CCDC197: variants seen among roughly 807,000 people sequenced by gnomAD.
CCDC197 encodes the protein coiled-coil domain containing 197.
Under a neutral mutation model 13.4 loss-of-function variants are expected in CCDC197, and 24 were observed. The observed-to-expected ratio is 1.80, with a 90% confidence interval of 1.30 to 2.53. The LOEUF (loss-of-function observed/expected upper bound fraction) is 2.53, where lower values mean the gene tolerates loss of function less well. Ranked by LOEUF, CCDC197 falls within the 30% of genes most tolerant of loss-of-function variation. The pLI is 0.00. For synonymous variants in CCDC197, 99 were observed against 55.5 expected, an observed-to-expected ratio of 1.78 and a Z score of -3.48; for missense variants, 255 against 148.8, an observed-to-expected ratio of 1.71 and a Z score of -3.71.
At chr14:93,995,934 G>A (rs1467534669), upstream of CCDC197, among the ~76,000 whole-genome samples, 15 of 152,114 alleles carry the variant, frequency 9.9e-5, no homozygotes, top group African/African-American at 2.7e-4. Context: ...CACCCTGATC[G>A]CCCCCTTCTG....
Position 94,003,436 on chromosome 14 carries a change from C to T in CCDC197, c.498+82C>T, listed in dbSNP as rs1890591799. The T allele has an allele frequency of 1.5e-6, 1 of 661,932 alleles. No individual in the cohort carries two copies. Among genetic ancestry groups the T allele is most frequent in the South Asian group, 1.6e-5 (1 of 62,144 alleles). The allele number at this position is 661,932 out of a possible 1,614,324, so 41.0% of individuals were successfully genotyped here. On this transcript the variant is annotated intron_variant, in intron 5 of 6. Coordinates refer to ENST00000636493, the MANE Select transcript of CCDC197 (RefSeq NM_001351596.2). The surrounding 1 kb of genome is among the most constrained non-coding windows in gnomAD (Gnocchi z 5.0). The stretch of plus-strand genomic sequence containing the variant: ...TGTCTCCATCATCAATCCCAAAACA[C>T]ACAGACACATACGCACGCAGACACA...
At chr14:94,001,116 C>T in intron 3 of CCDC197, 29 bp from the exon 4 acceptor site, 1 of 741,546 alleles carries the variant, frequency 1.3e-6, no homozygotes, top group Non-Finnish European at 2.5e-6. Context: ...GGGGCACCCA[C>T]CCATCCCGCC....
upstream of CCDC197, among the ~76,000 whole-genome samples, chr14:93,994,710 C>T (rs1034825991): frequency 2.0e-5 from 3 of 152,334 alleles, no homozygotes; most frequent in African/African-American, 7.2e-5. Context: ...GGTTTACAGC[C>T]TTGAACTTCT....
At chr14:94,004,772 C>T (rs1199104100) in intron 5 of CCDC197, 83 bp from the exon 6 acceptor site, 35 of 671,718 alleles carry the variant, frequency 5.2e-5, no homozygotes, top group Middle Eastern at 2.7e-4. Flanking sequence ...CACGACACTT[C>T]GCTGGCTGGA....
intron 3 of CCDC197, 112 bp downstream of exon 3, chr14:93,999,777 T>C (rs1890437054): frequency 2.9e-6 from 2 of 695,880 alleles, no homozygotes; most frequent in African/African-American, 1.8e-5. Flanking sequence ...ATCTACAGAA[T>C]GGGAATCCAC....
Position 94,004,976 on chromosome 14 carries a change from G to C in CCDC197, c.615+5G>C, listed in dbSNP as rs986056535. ...TCCAAGCTCGATCTGATTAAGGTAAGGATAGACAGATGGCTGCGGGGCTCC... is the reference window on the plus strand; with the variant it reads ...TCCAAGCTCGATCTGATTAAGGTAACGATAGACAGATGGCTGCGGGGCTCC... On this transcript the variant is annotated splice_donor_5th_base_variant and intron_variant, in intron 6 of 6. Coordinates refer to ENST00000636493, the MANE Select transcript of CCDC197 (RefSeq NM_001351596.2). 1.9e-5 allele frequency: 13 copies of C among 701,666 alleles called. No homozygotes were observed. In the African/African-American group the frequency reaches 2.1e-4, roughly 11 times the overall value. 43.5% of individuals were successfully genotyped at this position (701,666 alleles called of 1,614,324 possible). A position where few individuals can be genotyped will look rare whatever the true frequency, so the allele number is the denominator to read the frequency against.
At position 93,998,227 on chromosome 14, in the gene CCDC197, C is replaced by A; in HGVS notation, c.96C>A (p.Leu32=). Residue 32 remains leucine (L), a synonymous_variant, in exon 2 of 7, where the codon CTC becomes CTA. Coordinates refer to ENST00000636493, the MANE Select transcript of CCDC197 (RefSeq NM_001351596.2). The part of the protein sequence containing the change: ...LQGLWQELYQ[L]QAKQKKLKRE... ...GGCTGTGGCAGGAACTCTACCAGCT[C>A]CAGGCTAAGTATGTGTTGTCCCACC... 1.3e-6 allele frequency: 1 copy of A among 780,080 alleles called. No individual in the cohort carries two copies. The highest frequency in any genetic ancestry group is 2.4e-6 in the Non-Finnish European group (1 of 418,102). The allele number at this position is 780,080 out of a possible 1,614,324, so 48.3% of individuals were successfully genotyped here.
rs1322984263 is a variant in CCDC197 at position 94,003,666 on chromosome 14, TACAC to T, written c.498+318_498+321del. Among the ~76,000 whole-genome samples, 3 of 150,714 alleles carry T rather than the reference TACAC, an allele frequency of 2.0e-5. No individual in the cohort carries two copies. The highest frequency in any genetic ancestry group is 3.0e-5 in the Non-Finnish European group (2 of 67,606). ...ACACACGCACAGACACACAGACACA[TACAC>T]ACACAAAGACACATGCAGAGACATA... On this transcript the variant is annotated intron_variant, in intron 5 of 6. Transcript: ENST00000636493. The surrounding 1 kb of genome is among the most constrained non-coding windows in gnomAD (Gnocchi z 5.0).
chr14:94,010,365 G>C (rs1043913316), downstream of CCDC197, among the ~76,000 whole-genome samples: 1 of 152,142 alleles, frequency 6.6e-6, no homozygotes, highest in Non-Finnish European at 1.5e-5. Flanking sequence ...CACCATGCCT[G>C]GCTAATTTTT....
upstream of CCDC197, among the ~76,000 whole-genome samples, chr14:93,994,329 G>A (rs1410761680): frequency 6.6e-6 from 1 of 152,182 alleles, no homozygotes; most frequent in Non-Finnish European, 1.5e-5. Context: ...CTGTTACCTT[G>A]TATTAACTGT....
In CCDC197 at chr14:94,008,782, C is replaced by G. The variant is rs1208272174; in HGVS notation, c.789C>G (p.Pro263=). ...VSTPRTPFPS[P]HASECSGLY is the part of the protein sequence containing the mutation. Reference sequence around the variant, plus strand: ...CCCCCAGGACCCCCTTTCCCAGCCCCCATGCTTCAGAGTGCTCCGGCCTGT... The same window carrying G: ...CCCCCAGGACCCCCTTTCCCAGCCCGCATGCTTCAGAGTGCTCCGGCCTGT... Residue 263 remains proline, a synonymous_variant, in exon 7 of 7, where the codon CCC becomes CCG. Transcript: ENST00000636493. 1.9e-5 allele frequency: 13 copies of G among 702,498 alleles called. No individual in the cohort carries two copies. The highest frequency in any genetic ancestry group is 6.0e-5 in the Admixed American group (3 of 50,004). 43.5% of individuals were successfully genotyped at this position (702,498 alleles called of 1,614,324 possible). A position where few individuals can be genotyped will look rare whatever the true frequency, so the allele number is the denominator to read the frequency against.
chr14:94,010,307 G>A (rs528652519), downstream of CCDC197, among the ~76,000 whole-genome samples: 54 of 152,300 alleles, frequency 3.5e-4, no homozygotes, highest in African/African-American at 1.3e-3. Context: ...GGGTTTAAGC[G>A]ATTCTCCTGC....
downstream of CCDC197, among the ~76,000 whole-genome samples, chr14:94,009,088 C>T (rs1475114571): frequency 1.3e-5 from 2 of 152,198 alleles, no homozygotes; most frequent in Non-Finnish European, 2.9e-5. Flanking sequence ...TGAAGACTCC[C>T]TCCTGGGAGC....
At chr14:93,992,839 G>C (rs910649182), upstream of CCDC197, among the ~76,000 whole-genome samples, 3 of 152,164 alleles carry the variant, frequency 2.0e-5, no homozygotes, top group African/African-American at 7.2e-5. Context: ...TGAGGGTAGG[G>C]GCACAGGGAA....
At chr14:94,001,098 C>G (rs763608415) in intron 3 of CCDC197, 47 bp from the exon 4 acceptor site, 1 of 706,382 alleles carries the variant, frequency 1.4e-6, no homozygotes, top group Non-Finnish European at 2.6e-6. Context: ...TTGGCATGGC[C>G]CACTGCAGGG....
intron 1 of CCDC197, among the ~76,000 whole-genome samples, chr14:93,991,478 G>A (rs539700132): frequency 1.3e-4 from 20 of 152,302 alleles, no homozygotes; most frequent in Admixed American, 3.9e-4. Context: ...TGCGAGAATC[G>A]TGACTCAAAC....
Position 93,998,053 on chromosome 14 carries a change from C to T in CCDC197, c.-79C>T. The T allele has an allele frequency of 1.3e-6, 1 of 758,448 alleles. No homozygotes were observed. Among genetic ancestry groups the T allele is most frequent in the South Asian group, 1.4e-5 (1 of 71,762 alleles). The allele number at this position is 758,448 out of a possible 1,614,324, so 47.0% of individuals were successfully genotyped here. ...TCTGAAGAGGAAGCTGCGGCTGTGA[C>T]TGTCCCTTTTCGGTCTGTCTTCATC... On this transcript the variant is annotated 5_prime_UTR_variant, in exon 2 of 7. Coordinates refer to ENST00000636493, the MANE Select transcript of CCDC197 (RefSeq NM_001351596.2).
At chr14:94,000,862 C>T in intron 3 of CCDC197, 1 of 321,412 alleles carries the variant, frequency 3.1e-6, no homozygotes, top group South Asian at 9.3e-5. Flanking sequence ...TCCTTGAGGG[C>T]AGTCTCCCGC....
At position 94,002,391 on chromosome 14, in the gene CCDC197, C is replaced by A. The variant is rs868256288; in HGVS notation, c.367-832C>A. ...GCAGCCTCCGCCTCCCAGGCTCCAG[C>A]GATTTTCCTGCCTCTGCCTTCCGAG... On this transcript the variant is annotated intron_variant, in intron 4 of 6. Coordinates refer to ENST00000636493, the MANE Select transcript of CCDC197 (RefSeq NM_001351596.2). Among the ~76,000 whole-genome samples, 28 of 152,148 alleles carry A rather than the reference C, an allele frequency of 1.8e-4. No homozygotes were observed. In the Middle Eastern group the frequency reaches 0.01, roughly 55 times the overall value.
Sources: allele counts gnomAD v4.1 joint callset (sites outside exome capture counted in the v4.1 genomes callset), GRCh38; gene constraint gnomAD v4.1.1; non-coding constraint Gnocchi (gnomAD v3.1); transcripts MANE v1.5; gene names NCBI Gene and HGNC (gene_info 2026-07-23, HGNC 2026-07-21).